The following LAMA2 variants were observed in gnomAD, a reference collection of about 807,000 sequenced individuals.
LAMA2 encodes laminin subunit alpha 2.
A neutral mutation model predicts 364.8 loss-of-function variants in LAMA2; 269 were observed. The observed-to-expected ratio is 0.74, with a 90% CI of 0.67 to 0.82. The LOEUF (loss-of-function observed/expected upper bound fraction) is 0.82, where lower values mean the gene tolerates loss of function less well. Among genes scored for constraint, LAMA2 ranks in the 40% least tolerant of loss-of-function variants. The pLI, the probability that LAMA2 is intolerant of heterozygous loss-of-function variation, is 0.00. For missense variants in LAMA2, 3,807 were observed against 3,873.2 expected, an observed-to-expected ratio of 0.98 and a Z score of 0.45; for synonymous variants, 1,379 against 1,370.6, an observed-to-expected ratio of 1.01 and a Z score of -0.14.
chr6:128,957,836 ATTTTTTTTTT>A (rs10652900), intron 1 of LAMA2, among the ~76,000 whole-genome samples: 17 of 51,268 alleles, frequency 3.3e-4, no homozygotes, highest in Non-Finnish European at 4.1e-4. Flanking sequence ...TACTTCATGC[ATTTTTTTTTT>A]TTTTTTTTTT....
At chr6:129,368,471 G>C (rs1165906989) in intron 33 of LAMA2, among the ~76,000 whole-genome samples, 1 of 152,186 alleles carries the variant, frequency 6.6e-6, no homozygotes. Context: ...CTGGTATTCA[G>C]GGAAGTGAAG....
At chr6:128,931,156 T>G (rs1451599039) in intron 1 of LAMA2, among the ~76,000 whole-genome samples, 1 of 152,236 alleles carries the variant, frequency 6.6e-6, no homozygotes, top group Non-Finnish European at 1.5e-5. Context: ...CCTGTCTCTA[T>G]AGCTTACAAG....
rs753712027 is a variant in LAMA2 at position 129,505,314 on chromosome 6, G to T, written c.8662G>T (p.Gly2888Cys). ...GGATGTCGTGGGAATGCTGTATGTT[G>T]GTGGGTTACCCATCAACTACACTAC... ...ILDVVGMLYVGGLPINYTTRR... is the reference protein window; with the variant it reads ...ILDVVGMLYVCGLPINYTTRR... The change falls in exon 61 of 65, where the codon GGT becomes TGT. Residue 2888 changes from glycine (G) to cysteine (C), a missense_variant. Gly to Cys is a radical substitution (Grantham distance 159). Transcript: ENST00000421865. The T allele has an allele frequency of 6.2e-7, 1 of 1,613,938 alleles. No homozygotes were observed. Among genetic ancestry groups the T allele is most frequent in the South Asian group, 1.1e-5 (1 of 91,074 alleles).
rs367944312 is a variant in LAMA2, at chr6:129,332,882, CATTT to C, written c.4311+4471_4311+4474del. Among the ~76,000 whole-genome samples, 19 of 98,866 alleles carry C rather than the reference CATTT, an allele frequency of 1.9e-4. 1 individual carries two copies. Among genetic ancestry groups the C allele is most frequent in the Admixed American group, 4.1e-4 (3 of 7,370 alleles). The allele number at this position is 98,866 out of a possible 152,430, so 64.9% of individuals were successfully genotyped here. On this transcript the variant is annotated intron_variant, in intron 29 of 64. Coordinates refer to ENST00000421865, the MANE Select transcript of LAMA2 (RefSeq NM_000426.4). ...TTGATTCAGTTATTGTTAAGTTTAC[CATTT>C]TTTTTTTTTTTTTTTTTTTTTTTTG...
rs778872049 is a variant in LAMA2 at position 129,478,807 on chromosome 6, C to T, written c.7566C>T (p.Ser2522=). 1.9e-6 allele frequency: 3 copies of T among 1,613,010 alleles called. No individual in the cohort carries two copies. The highest frequency in any genetic ancestry group is 2.2e-5 in the East Asian group (1 of 44,842). ...ATGTTGGTGTTACCAAAGGATGTTC[C>T]CTGGAGGTTGGTCTGTTTTTGATAG... is the stretch of plus-strand genomic sequence containing the variant. ...PDYVGVTKGC[S]LENVYTVSFP... is the part of the protein sequence containing the mutation. The change falls in exon 54 of 65, where the codon TCC becomes TCT. Residue 2522 remains serine (S), a synonymous_variant. Transcript: ENST00000421865.
intron 29 of LAMA2, among the ~76,000 whole-genome samples, chr6:129,335,992 G>A (rs1484786830): frequency 6.6e-6 from 1 of 152,186 alleles, no homozygotes; most frequent in African/African-American, 2.4e-5. Flanking sequence ...GAGAAATTGT[G>A]AGAACATAAA....
chr6:129,422,863 G>A lies in LAMA2; in HGVS notation c.5866-4889G>A, dbSNP rs180770227. ...CAGTATTACTCTGATACCAATGGCA[G>A]ACAAAGATAGTTTTTAAAAAAGAAA... On this transcript the variant is annotated intron_variant, in intron 40 of 64. Transcript: ENST00000421865. Among the ~76,000 whole-genome samples, 8 of 152,106 alleles carry A rather than the reference G, an allele frequency of 5.3e-5. No individual in the cohort carries two copies. In the East Asian group the frequency reaches 1.5e-3, roughly 29 times the overall value.
intron 12 of LAMA2, among the ~76,000 whole-genome samples, chr6:129,205,478 G>GTATATATATATACACATATATATA (rs1241608270): frequency 8.6e-6 from 1 of 116,428 alleles, no homozygotes; most frequent in African/African-American, 4.5e-5. Flanking sequence ...TATTCTGTAA[G>GTATATATATATACACATATATATA]TATATATATA....
At chr6:129,293,466 C>A (rs1413098902) in intron 20 of LAMA2, among the ~76,000 whole-genome samples, 1 of 152,144 alleles carries the variant, frequency 6.6e-6, no homozygotes, top group Non-Finnish European at 1.5e-5. Context: ...GAAAACTCAG[C>A]CCATTTATCA....
Position 129,443,063 on chromosome 6 carries a change from A to C in LAMA2, c.6269A>C (p.Lys2090Thr). ...NAVVKDPSKNKIIADADATVK... is the reference protein window; with the variant it reads ...NAVVKDPSKNTIIADADATVK... ...TGCTTCCATGTGAAATTGCCTGCAG[A>C]AATCAGTACGTATATGTTTACTTAT... The change falls in exon 44 of 65, where the codon AAA becomes ACA. Residue 2090 changes from lysine (K) to threonine (T), a missense_variant and splice_region_variant. Lys to Thr is a moderately conservative substitution (Grantham distance 78). Coordinates refer to ENST00000421865, the MANE Select transcript of LAMA2 (RefSeq NM_000426.4). The C allele has an allele frequency of 6.3e-7, 1 of 1,594,480 alleles. No homozygotes were observed. The highest frequency in any genetic ancestry group is 8.6e-7 in the Non-Finnish European group (1 of 1,166,206).
At chr6:128,904,344 T>G (rs749904513) in intron 1 of LAMA2, among the ~76,000 whole-genome samples, 8 of 152,148 alleles carry the variant, frequency 5.3e-5, no homozygotes, top group Non-Finnish European at 7.4e-5. Context: ...CATTTTTAAT[T>G]CTACAATAAT....
chr6:129,057,895 A>T (rs1198449225), intron 2 of LAMA2, among the ~76,000 whole-genome samples: 2 of 152,062 alleles, frequency 1.3e-5, no homozygotes, highest in Non-Finnish European at 2.9e-5. Flanking sequence ...GTTCTAATCT[A>T]AAAGGTCATT....
intron 34 of LAMA2, among the ~76,000 whole-genome samples, chr6:129,373,362 T>C (rs989890066): frequency 6.6e-6 from 1 of 152,206 alleles, no homozygotes; most frequent in Non-Finnish European, 1.5e-5. Flanking sequence ...TTCAAAAAAC[T>C]TGCAAAGAGA....
At chr6:128,943,168 A>G (rs565453421) in intron 1 of LAMA2, among the ~76,000 whole-genome samples, 204 of 152,164 alleles carry the variant, frequency 1.3e-3, no homozygotes, top group Non-Finnish European at 2.3e-3. Context: ...GTGTGTGTGT[A>G]TATATATAAA....
chr6:129,362,228 A>G (rs1444520451), intron 32 of LAMA2, among the ~76,000 whole-genome samples: 1 of 152,184 alleles, frequency 6.6e-6, no homozygotes, highest in Non-Finnish European at 1.5e-5. Context: ...TCCTTCAGGC[A>G]GGTATCTGAA....
At chr6:129,258,661 G>C (rs1481686739) in intron 14 of LAMA2, among the ~76,000 whole-genome samples, 2 of 151,780 alleles carry the variant, frequency 1.3e-5, no homozygotes, top group Non-Finnish European at 2.9e-5. Context: ...ATTTTAAATA[G>C]GTTTGAAAAT....
intron 9 of LAMA2, among the ~76,000 whole-genome samples, chr6:129,168,286 T>G (rs1358817234): frequency 6.6e-6 from 1 of 150,424 alleles, no homozygotes; most frequent in Non-Finnish European, 1.5e-5. Context: ...TCTAGGGTTT[T>G]TATGGTTTTA....
intron 17 of LAMA2, among the ~76,000 whole-genome samples, chr6:129,277,140 G>A (rs1265834022): frequency 1.3e-5 from 2 of 152,080 alleles, no homozygotes; most frequent in Non-Finnish European, 2.9e-5. Flanking sequence ...CTGTGGCGTG[G>A]TTTGGATAAT....
chr6:129,270,047 A>G (rs1447316789), intron 16 of LAMA2, among the ~76,000 whole-genome samples: 1 of 152,130 alleles, frequency 6.6e-6, no homozygotes, highest in Non-Finnish European at 1.5e-5. Context: ...ATTATGAGTC[A>G]AGCAAGCTTC....
Sources: gnomAD v4.1 joint callset for allele counts (sites outside exome capture counted in the v4.1 genomes callset) on GRCh38, gnomAD v4.1.1 for gene constraint, MANE v1.5 for transcripts, NCBI Gene and HGNC (gene_info 2026-07-23, HGNC 2026-07-21) for gene names.